Variants in DNAH7 observed in about 807,000 individuals in gnomAD.
DNAH7 encodes axonemal beta dynein heavy chain 7.
Under a neutral mutation model 444.6 loss-of-function variants are expected in DNAH7, and 397 were observed. The observed-to-expected ratio is 0.89, with a 90% CI of 0.82 to 0.97. DNAH7 has a LOEUF of 0.97. Among genes scored for constraint, DNAH7 ranks in the 50% least tolerant of loss-of-function variants. DNAH7 has a pLI of 0.00. For synonymous variants in DNAH7, 1,636 were observed against 1,624.4 expected, an observed-to-expected ratio of 1.01 and a Z score of -0.17; for missense variants, 4,902 against 4,800.8, an observed-to-expected ratio of 1.02 and a Z score of -0.62.
intron 14 of DNAH7, among the ~76,000 whole-genome samples, chr2:195,985,329 T>C (rs942237856): frequency 6.6e-6 from 1 of 152,102 alleles, no homozygotes; most frequent in Non-Finnish European, 1.5e-5. Flanking sequence ...GGTTAAAGTC[T>C]GGGGCTGGGA....
At chr2:195,905,260 G>A (rs948780134) in intron 27 of DNAH7, 21 of 152,016 alleles carry the variant, frequency 1.4e-4, no homozygotes, top group African/African-American at 4.8e-4. Context: ...ATAACATAGC[G>A]AACAAATACA....
intron 46 of DNAH7, among the ~76,000 whole-genome samples, chr2:195,850,995 A>G (rs1187127155): frequency 6.6e-6 from 1 of 152,156 alleles, no homozygotes; most frequent in African/African-American, 2.4e-5. Context: ...AGGGAAGTAC[A>G]TTCCCAGGCA....
intron 41 of DNAH7, among the ~76,000 whole-genome samples, chr2:195,863,919 T>C (rs1177332776): frequency 5.3e-5 from 8 of 152,202 alleles, no homozygotes; most frequent in Non-Finnish European, 8.8e-5. Context: ...TACACAATTT[T>C]ATCATAACAC....
intron 57 of DNAH7, among the ~76,000 whole-genome samples, chr2:195,789,383 T>G (rs964861011): frequency 1.3e-5 from 2 of 152,072 alleles, no homozygotes; most frequent in African/African-American, 4.8e-5. Flanking sequence ...AACTGTTGCT[T>G]GTAGTAGAGT....
intron 61 of DNAH7, among the ~76,000 whole-genome samples, chr2:195,756,846 G>A (rs527790224): frequency 3.3e-5 from 5 of 152,024 alleles, no homozygotes; most frequent in African/African-American, 7.2e-5. Context: ...ACAAAAATTC[G>A]CTGGGTGTGG....
intron 8 of DNAH7, among the ~76,000 whole-genome samples, chr2:196,023,981 A>G (rs1695531360): frequency 6.6e-6 from 1 of 152,168 alleles, no homozygotes; most frequent in African/African-American, 2.4e-5. Flanking sequence ...ATTTATTGAC[A>G]TCGTTTGCCA....
intron 31 of DNAH7, among the ~76,000 whole-genome samples, chr2:195,889,598 T>C (rs994890965): frequency 1.3e-5 from 2 of 152,296 alleles, no homozygotes; most frequent in Admixed American, 6.5e-5. Context: ...TTTATAGGCA[T>C]GAGCCACTGC....
chr2:196,051,308 C>T, intron 2 of DNAH7, 59 bp from the exon 3 acceptor site: 1 of 1,334,064 alleles, frequency 7.5e-7, no homozygotes, highest in Non-Finnish European at 1.1e-6. Context: ...AAAATTGATT[C>T]ACTGAACCAA....
intron 5 of DNAH7, among the ~76,000 whole-genome samples, chr2:196,045,231 G>C (rs978396592): frequency 2.7e-5 from 4 of 146,768 alleles, no homozygotes; most frequent in African/African-American, 1.0e-4. Context: ...AGGAGAAGAA[G>C]AAAGAGAGGG....
At position 195,865,866 on chromosome 2, in the gene DNAH7, C is replaced by T. The variant is rs183169742; in HGVS notation, c.6634-845G>A. ...ATAAGGAGAGGAAGAGGCATTAAAGCGCTCTCTCCCTCTCTCTCTCTGGTT... is the reference window on the plus strand; with the variant it reads ...ATAAGGAGAGGAAGAGGCATTAAAGTGCTCTCTCCCTCTCTCTCTCTGGTT... On this transcript the variant is annotated intron_variant, in intron 40 of 64. Coordinates refer to ENST00000312428, the MANE Select transcript of DNAH7 (RefSeq NM_018897.3). Among the ~76,000 whole-genome samples, 290 of 152,144 alleles carry T rather than the reference C, an allele frequency of 1.9e-3. 1 individual carries two copies. Among genetic ancestry groups the T allele is most frequent in the African/African-American group, 6.6e-3 (273 of 41,520 alleles).
Position 195,906,771 on chromosome 2 carries a change from G to C in DNAH7, c.4223C>G (p.Ala1408Gly). 1 of 1,613,192 alleles carries C rather than the reference G, an allele frequency of 6.2e-7. No individual in the cohort carries two copies. Among genetic ancestry groups the C allele is most frequent in the South Asian group, 1.1e-5 (1 of 91,032 alleles). ...AGTTCCTTCAAACATCAGTATATCA[G>C]CACCTGCATTAATACCTGTAGGTAA... The part of the protein sequence containing the change: ...LTIQRGINAG[A>G]DILMFEGTEL... The change falls in exon 27 of 65, where the codon GCT becomes GGT. Residue 1408 changes from alanine to glycine, a missense_variant. Ala to Gly is a moderately conservative substitution (Grantham distance 60). Coordinates refer to ENST00000312428, the MANE Select transcript of DNAH7 (RefSeq NM_018897.3).
At chr2:195,836,737 T>C (rs1176896044) in intron 47 of DNAH7, among the ~76,000 whole-genome samples, 2 of 152,190 alleles carry the variant, frequency 1.3e-5, no homozygotes, top group Non-Finnish European at 2.9e-5. Context: ...GTTTTCATTA[T>C]GTCACATTTT....
intron 16 of DNAH7, 106 bp downstream of exon 16, chr2:195,972,135 GA>G: frequency 1.2e-6 from 1 of 852,908 alleles, no homozygotes; most frequent in Non-Finnish European, 1.8e-6. Flanking sequence ...TATAGTATGA[GA>G]AAGCTAAAAA....
chr2:195,919,236 T>TA (rs759816585), intron 24 of DNAH7, among the ~76,000 whole-genome samples: 7,319 of 139,588 alleles, frequency 0.052, 565 homozygotes, highest in African/African-American at 0.17. Flanking sequence ...AGACTTTGTT[T>TA]AAAAAAAAAA....
intron 46 of DNAH7, among the ~76,000 whole-genome samples, chr2:195,846,949 A>ATGTGTGTGTGTGTGTG (rs35075325): frequency 0.013 from 1,727 of 137,164 alleles, 30 homozygotes; most frequent in African/African-American, 0.031. Context: ...ACTCCCATAT[A>ATGTGTGTGTGTGTGTG]TGTGTGTGTG....
At chr2:195,906,591 G>T (rs1687038811) in intron 27 of DNAH7, 68 bp downstream of exon 27, 1 of 1,491,446 alleles carries the variant, frequency 6.7e-7, no homozygotes, top group Non-Finnish European at 9.1e-7. Context: ...ACCACGCCCA[G>T]CTCTTTTCAT....
intron 2 of DNAH7, among the ~76,000 whole-genome samples, chr2:196,056,991 TGA>T (rs1485073230): frequency 9.2e-5 from 14 of 152,246 alleles, no homozygotes; most frequent in African/African-American, 3.4e-4. Context: ...TCACAGGGGC[TGA>T]GAGCCACCAG....
At chr2:195,930,188 C>T (rs1381650103) in intron 21 of DNAH7, among the ~76,000 whole-genome samples, 1 of 152,088 alleles carries the variant, frequency 6.6e-6, no homozygotes, top group African/African-American at 2.4e-5. Flanking sequence ...ACTAAAAATA[C>T]AAAAATTAGC....
Position 195,845,154 on chromosome 2 carries a change from T to G in DNAH7, c.8793A>C (p.Lys2931Asn). The part of the protein sequence containing the change: ...FTSTYRQNQT[K>N]EWTTLCKGRD... ...TTCCTTTGCACAAAGTTGTCCACTC[T>G]TTAGTTTGATTCTTTAGAACATCCA... The change falls in exon 47 of 65, where the codon AAA becomes AAC. Residue 2931 changes from lysine to asparagine, a missense_variant. Coordinates refer to ENST00000312428, the MANE Select transcript of DNAH7 (RefSeq NM_018897.3). The G allele has an allele frequency of 2.5e-6, 4 of 1,608,006 alleles. No homozygotes were observed. The highest frequency in any genetic ancestry group is 3.4e-6 in the Non-Finnish European group (4 of 1,177,944).
Sources: allele counts gnomAD v4.1 joint callset (sites outside exome capture counted in the v4.1 genomes callset), GRCh38; gene constraint gnomAD v4.1.1; transcripts MANE v1.5; gene names NCBI Gene and HGNC (gene_info 2026-07-23, HGNC 2026-07-21).